CFAP299: variants seen among roughly 807,000 people sequenced by gnomAD.
CFAP299 encodes cilia and flagella associated protein 299.
Under a neutral mutation model 27.0 loss-of-function variants are expected in CFAP299, and 21 were observed. The observed-to-expected ratio is 0.78, with a 90% CI of 0.55 to 1.12. CFAP299 has a LOEUF of 1.12. CFAP299 is among the 50% of genes most tolerant of loss of function. The pLI, the probability that CFAP299 is intolerant of heterozygous loss-of-function variation, is 0.00. For missense variants in CFAP299, 310 were observed against 276.6 expected (o/e 1.12, Z -0.86); for synonymous variants, 104 against 98.1 (o/e 1.06, Z -0.36).
chr4:80,361,396 C>G (rs745880234), intron 1 of CFAP299, among the ~76,000 whole-genome samples: 2 of 152,210 alleles, frequency 1.3e-5, no homozygotes, highest in Non-Finnish European at 2.9e-5. Context: ...GTCCTTTCTA[C>G]AAATTCACTT....
intron 3 of CFAP299, among the ~76,000 whole-genome samples, chr4:80,834,998 A>G (rs1730486173): frequency 6.6e-6 from 1 of 152,210 alleles, no homozygotes; most frequent in South Asian, 2.1e-4. Flanking sequence ...AAAGTCTAAT[A>G]TTCTGCCTTC....
At chr4:80,837,044 T>A (rs1578169321) in intron 3 of CFAP299, among the ~76,000 whole-genome samples, 1 of 152,100 alleles carries the variant, frequency 6.6e-6, no homozygotes, top group East Asian at 1.9e-4. Flanking sequence ...TTTTTAATAA[T>A]ATTATTAACA....
intron 1 of CFAP299, among the ~76,000 whole-genome samples, chr4:80,343,310 T>C (rs1722550648): frequency 6.6e-6 from 1 of 152,208 alleles, no homozygotes; most frequent in South Asian, 2.1e-4. Context: ...TGAACTCAGC[T>C]CTGGAACTAG....
intron 3 of CFAP299, among the ~76,000 whole-genome samples, chr4:80,598,034 T>C (rs1035940789): frequency 6.6e-6 from 1 of 152,224 alleles, no homozygotes; most frequent in African/African-American, 2.4e-5. Flanking sequence ...GAGATACCCA[T>C]TGCACATCCT....
At chr4:80,948,209 T>C (rs1453891206) in intron 5 of CFAP299, among the ~76,000 whole-genome samples, 1 of 152,200 alleles carries the variant, frequency 6.6e-6, no homozygotes, top group East Asian at 1.9e-4. Context: ...TTCTGAAGTA[T>C]GTTTCCCGTG....
chr4:80,800,765 G>GTATACATATATA (rs1560419820), intron 3 of CFAP299, among the ~76,000 whole-genome samples: 11 of 127,406 alleles, frequency 8.6e-5, no homozygotes, highest in African/African-American at 3.6e-4. Flanking sequence ...GTGTGTGTGT[G>GTATACATATATA]TGTATATATA....
At chr4:80,462,765 A>G (rs1729503298) in intron 2 of CFAP299, among the ~76,000 whole-genome samples, 1 of 152,170 alleles carries the variant, frequency 6.6e-6, no homozygotes, top group South Asian at 2.1e-4. Context: ...TTCAAATTCA[A>G]CATGTCCCAA....
intron 2 of CFAP299, among the ~76,000 whole-genome samples, chr4:80,538,394 A>G (rs1733843985): frequency 6.6e-6 from 1 of 152,052 alleles, no homozygotes; most frequent in African/African-American, 2.4e-5. Context: ...TTAAAAATAA[A>G]TCTAGTATAG....
chr4:80,590,181 A>G (rs1220724310), intron 3 of CFAP299, among the ~76,000 whole-genome samples: 2 of 152,198 alleles, frequency 1.3e-5, no homozygotes, highest in Non-Finnish European at 2.9e-5. Context: ...GAAAAAAGGC[A>G]TGTTTCGGAA....
chr4:80,541,020 C>T (rs1463149753), intron 2 of CFAP299, among the ~76,000 whole-genome samples: 2 of 152,112 alleles, frequency 1.3e-5, no homozygotes, highest in Non-Finnish European at 2.9e-5. Flanking sequence ...ATCTCTGTGT[C>T]TTATTCAAAT....
intron 3 of CFAP299, among the ~76,000 whole-genome samples, chr4:80,676,000 T>A (rs1375701525): frequency 6.6e-6 from 1 of 152,114 alleles, no homozygotes; most frequent in Non-Finnish European, 1.5e-5. Context: ...GCTTCTCAGG[T>A]GAGGCAATGC....
intron 3 of CFAP299, among the ~76,000 whole-genome samples, chr4:80,744,461 A>C (rs531978925): frequency 6.6e-6 from 1 of 152,268 alleles, no homozygotes; most frequent in African/African-American, 2.4e-5. Flanking sequence ...ACTCATCTTC[A>C]CTTTTGAAAA....
intron 2 of CFAP299, among the ~76,000 whole-genome samples, chr4:80,440,580 T>TA (rs903250653): frequency 2.6e-5 from 4 of 151,974 alleles, no homozygotes; most frequent in South Asian, 2.1e-4. Flanking sequence ...ACAGAAGATT[T>TA]AAAAAAAACA....
intron 3 of CFAP299, among the ~76,000 whole-genome samples, chr4:80,825,961 G>A (rs910256908): frequency 1.3e-5 from 2 of 151,788 alleles, no homozygotes; most frequent in Non-Finnish European, 2.9e-5. Context: ...TGTAACTTTG[G>A]TGGTAATTTT....
intron 3 of CFAP299, among the ~76,000 whole-genome samples, chr4:80,788,201 G>A (rs1326461902): frequency 1.3e-5 from 2 of 151,978 alleles, no homozygotes; most frequent in African/African-American, 4.8e-5. Context: ...CAACTCAAAT[G>A]TGAACTCATT....
intron 3 of CFAP299, among the ~76,000 whole-genome samples, chr4:80,641,389 G>A (rs996172123): frequency 6.6e-6 from 1 of 152,028 alleles, no homozygotes; most frequent in Admixed American, 6.6e-5. Context: ...ATTTTTAGTA[G>A]AGACGGGGTT....
rs1435192028 is a variant in CFAP299, at chr4:80,671,632, G to A, written c.333+88449G>A. 1.1e-4 allele frequency among the ~76,000 whole-genome samples: 16 copies of A among 152,224 alleles called. No homozygotes were observed. In the East Asian group the frequency reaches 2.9e-3, roughly 28 times the overall value. On this transcript the variant is annotated intron_variant, in intron 3 of 5. Coordinates refer to ENST00000358105, the MANE Select transcript of CFAP299 (RefSeq NM_152770.3). The stretch of plus-strand genomic sequence containing the variant: ...TTGATTCTTCCTATCCATGAGTATG[G>A]AGTGTTCTTCCATTTGTTTGTGTCC...
intron 3 of CFAP299, among the ~76,000 whole-genome samples, chr4:80,868,905 CTGTG>C (rs1184951626): frequency 0.054 from 7,479 of 137,470 alleles, 315 homozygotes; most frequent in African/African-American, 0.12. Context: ...GCTTCTCTCT[CTGTG>C]TGTGTGTGTG....
At chr4:80,664,260 C>T (rs780746610) in intron 3 of CFAP299, among the ~76,000 whole-genome samples, 16 of 152,116 alleles carry the variant, frequency 1.1e-4, no homozygotes, top group Non-Finnish European at 2.1e-4. Context: ...TAGCAGAGCT[C>T]GAGCACTATG....
Sources: allele counts gnomAD v4.1 joint callset (sites outside exome capture counted in the v4.1 genomes callset), GRCh38; gene constraint gnomAD v4.1.1; transcripts MANE v1.5; gene names NCBI Gene and HGNC (gene_info 2026-07-23, HGNC 2026-07-21).